The following GAB4 variants were observed in gnomAD, a reference collection of about 807,000 sequenced individuals.
GAB4 encodes the protein GRB2-associated-binding protein 4.
GAB4 carries 26 observed loss-of-function variants against 51.3 expected under a neutral mutation model. The observed-to-expected ratio is 0.51, with a 90% CI of 0.37 to 0.70. The LOEUF (loss-of-function observed/expected upper bound fraction) is 0.70. GAB4 is among the 30% of genes least tolerant of loss of function. The probability of loss-of-function intolerance (pLI) is 0.00; values close to 1 mark genes in which losing one functional copy is unlikely to be tolerated. For synonymous variants in GAB4, 329 were observed against 291.2 expected, an observed-to-expected ratio of 1.13 and a Z score of -1.32; for missense variants, 759 against 734.6, an observed-to-expected ratio of 1.03 and a Z score of -0.38.
Position 16,962,559 on chromosome 22 carries a change from G to T in GAB4, c.*174C>A. 2.1e-6 allele frequency: 1 copy of T among 484,956 alleles called. No individual in the cohort carries two copies. The highest frequency in any genetic ancestry group is 3.5e-6 in the Non-Finnish European group (1 of 286,536). The allele number at this position is 484,956 out of a possible 1,614,324, so 30.0% of individuals were successfully genotyped here. On this transcript the variant is annotated 3_prime_UTR_variant, in exon 10 of 10. Coordinates refer to ENST00000400588, the MANE Select transcript of GAB4 (RefSeq NM_001037814.1). The stretch of plus-strand genomic sequence containing the variant: ...TGCTCCTAGCAAGGGGGTGAAGGTG[G>T]GGACCATGGCCAGCCAAAGGCACAG...
intron 3 of GAB4, among the ~76,000 whole-genome samples, chr22:16,986,368 TG>T (rs1345713083): frequency 7.9e-5 from 12 of 152,306 alleles, no homozygotes; most frequent in African/African-American, 2.9e-4. Context: ...GAACAACGAC[TG>T]GAAGACCTCA....
At position 17,007,974 on chromosome 22, in the gene GAB4, C is replaced by A; in HGVS notation, c.141G>T (p.Arg47Ser). 1.2e-6 allele frequency: 2 copies of A among 1,600,962 alleles called. No individual in the cohort carries two copies. Among genetic ancestry groups the A allele is most frequent in the Non-Finnish European group, 8.5e-7 (1 of 1,172,078 alleles). ...SGHVLYSGWL[R>S]KSPPEKKLRL... ...TCAGCTTCTTCTCGGGGGGCGACTT[C>A]CTCAGCCAGCCGCTGTACAGCACGT... Residue 47 changes from arginine to serine, a missense_variant, in exon 1 of 10, where the codon AGG becomes AGT. Coordinates refer to ENST00000400588, the MANE Select transcript of GAB4 (RefSeq NM_001037814.1).
chr22:16,973,652 G>A (rs1248240339), intron 3 of GAB4, among the ~76,000 whole-genome samples: 1 of 152,154 alleles, frequency 6.6e-6, no homozygotes, highest in African/African-American at 2.4e-5. Context: ...AGAATTACTG[G>A]TCCCTAACTC....
Position 16,992,163 on chromosome 22 carries a change from C to A in GAB4, c.188G>T (p.Arg63Leu), listed in dbSNP as rs1038178360. ...KKLRLFAWRK[R>L]WFILRRGQTS... The stretch of plus-strand genomic sequence containing the variant: ...CTGGCCCCTCCGCAGGATAAACCAG[C>A]GTTTCCTCCAGGCCTAAGGAAGGAG... The change falls in exon 2 of 10, where the codon CGC becomes CTC. Residue 63 changes from arginine (R) to leucine (L), a missense_variant. By Grantham distance (102) the Arg-to-Leu change is moderately radical (BLOSUM62 -2). Transcript: ENST00000400588. 1 of 1,608,394 alleles carries A rather than the reference C, an allele frequency of 6.2e-7. No homozygotes were observed. The highest frequency in any genetic ancestry group is 1.3e-5 in the African/African-American group (1 of 74,760).
At position 16,970,315 on chromosome 22, in the gene GAB4, G is replaced by A; in HGVS notation, c.687-122C>T. The stretch of plus-strand genomic sequence containing the variant: ...TGATATGGAGAAAACACAGGAAGAG[G>A]AATTGGGCAGACCTGAGGTTTGTCT... On this transcript the variant is annotated intron_variant, in intron 3 of 9. Coordinates refer to ENST00000400588, the MANE Select transcript of GAB4 (RefSeq NM_001037814.1). The A allele has an allele frequency of 5.5e-6, 6 of 1,082,916 alleles. No homozygotes were observed. The South Asian group carries it at 7.6e-5, about 14-fold the overall frequency. 67.1% of individuals were successfully genotyped at this position (1,082,916 alleles called of 1,614,324 possible).
intron 3 of GAB4, among the ~76,000 whole-genome samples, chr22:16,978,580 C>G (rs2060800681): frequency 2.6e-5 from 4 of 152,186 alleles, no homozygotes. Context: ...CAGATGGATT[C>G]ACAGCCGAAT....
chr22:16,995,203 G>A (rs1235976090), intron 1 of GAB4, among the ~76,000 whole-genome samples: 1 of 152,090 alleles, frequency 6.6e-6, no homozygotes, highest in Non-Finnish European at 1.5e-5. Context: ...GTAGAGGAGA[G>A]GGAACAGTGA....
At chr22:16,983,223 G>C (rs1389989562) in intron 3 of GAB4, among the ~76,000 whole-genome samples, 5 of 152,026 alleles carry the variant, frequency 3.3e-5, no homozygotes, top group Non-Finnish European at 4.4e-5. Context: ...CCAATAAATA[G>C]CATGGGCTCC....
At chr22:16,986,219 G>C (rs2060866100) in intron 3 of GAB4, among the ~76,000 whole-genome samples, 1 of 152,216 alleles carries the variant, frequency 6.6e-6, no homozygotes, top group South Asian at 2.1e-4. Flanking sequence ...GGTATCCTCA[G>C]TCTGTGTCAG....
chr22:16,980,024 G>C (rs564886564), intron 3 of GAB4, among the ~76,000 whole-genome samples: 1 of 152,098 alleles, frequency 6.6e-6, no homozygotes, highest in African/African-American at 2.4e-5. Flanking sequence ...ATGGATTACA[G>C]ACTTAAACGT....
Position 16,992,106 on chromosome 22 carries a change from T to C in GAB4, c.245A>G (p.Tyr82Cys). ...GGGCTTCTTGGAGCCATCATTCTTG[T>C]AGTATTCCAGAACATCTGGGTCACT... ...TSSDPDVLEYYKNDGSKKPLR... is the reference protein window; with the variant it reads ...TSSDPDVLEYCKNDGSKKPLR... The change falls in exon 2 of 10, where the codon TAC becomes TGC. Residue 82 changes from tyrosine to cysteine, a missense_variant. Coordinates refer to ENST00000400588, the MANE Select transcript of GAB4 (RefSeq NM_001037814.1). 6.2e-7 allele frequency: 1 copy of C among 1,614,234 alleles called. No homozygotes were observed. Among genetic ancestry groups the C allele is most frequent in the Non-Finnish European group, 8.5e-7 (1 of 1,180,024 alleles).
chr22:16,984,628 G>C (rs888040625), intron 3 of GAB4, among the ~76,000 whole-genome samples: 29 of 152,106 alleles, frequency 1.9e-4, no homozygotes, highest in Admixed American at 4.6e-4. Context: ...TTGATGTTTT[G>C]GTTTCTGCAG....
rs1376122764 is a variant in GAB4 at position 16,962,792 on chromosome 22, T to A, written c.1666A>T (p.Met556Leu). The change falls in exon 10 of 10, where the codon ATG becomes TTG. Residue 556 changes from methionine (M) to leucine (L), a missense_variant. Transcript: ENST00000400588. ...LEKTQALQKT[M>L]HEQMCLRQSS... ...TGCCGCAGGCACATCTGTTCATGCA[T>A]GGTCTTCTGCAGGGCCTGGGTCTTC... 6.2e-7 allele frequency: 1 copy of A among 1,613,588 alleles called. No homozygotes were observed. Among genetic ancestry groups the A allele is most frequent in the Admixed American group, 1.7e-5 (1 of 60,004 alleles).
At chr22:17,006,235 G>A (rs1325678894) in intron 1 of GAB4, among the ~76,000 whole-genome samples, 4 of 152,188 alleles carry the variant, frequency 2.6e-5, no homozygotes, top group Admixed American at 6.5e-5. Context: ...CTTAACAGAA[G>A]AAGATATTTA....
At chr22:17,001,938 C>T (rs2061000831) in intron 1 of GAB4, among the ~76,000 whole-genome samples, 2 of 152,196 alleles carry the variant, frequency 1.3e-5, no homozygotes, top group Non-Finnish European at 2.9e-5. Flanking sequence ...GAGCGAGACT[C>T]CATGGGCATG....
In GAB4 at chr22:16,987,853, G is replaced by T. The variant is rs566628252; in HGVS notation, c.686+107C>A. On this transcript the variant is annotated intron_variant, in intron 3 of 9. Coordinates refer to ENST00000400588, the MANE Select transcript of GAB4 (RefSeq NM_001037814.1). ...TTATATATGTTTGCTTACCTGGAAA[G>T]ATATAATATTTTATGTCTTTCTCTT... The T allele has an allele frequency of 2.8e-5, 23 of 822,748 alleles. No homozygotes were observed. The African/African-American group carries it at 3.8e-4, about 14-fold the overall frequency. The allele number at this position is 822,748 out of a possible 1,614,324, so 51.0% of individuals were successfully genotyped here. A position where few individuals can be genotyped will look rare whatever the true frequency, so the allele number is the denominator to read the frequency against.
chr22:16,972,207 G>A (rs1039429646), intron 3 of GAB4, among the ~76,000 whole-genome samples: 1 of 152,220 alleles, frequency 6.6e-6, no homozygotes, highest in African/African-American at 2.4e-5. Context: ...AGCAGTGGAG[G>A]AGGTGTCACG....
chr22:16,983,685 G>A (rs1442496625), intron 3 of GAB4, among the ~76,000 whole-genome samples: 3 of 152,182 alleles, frequency 2.0e-5, no homozygotes, highest in Admixed American at 2.0e-4. Context: ...AAGATGCCAA[G>A]AGTATACACT....
rs1260229077 is a variant in GAB4 at position 16,962,595 on chromosome 22, A to G, written c.*138T>C. ...CAGCCAAAGGCACAGGTGGGCCCCA[A>G]GCAGGCAAAGGATGTATATTGATCA... On this transcript the variant is annotated 3_prime_UTR_variant, in exon 10 of 10. Coordinates refer to ENST00000400588, the MANE Select transcript of GAB4 (RefSeq NM_001037814.1). The G allele has an allele frequency of 4.2e-6, 3 of 706,982 alleles. No homozygotes were observed. Among genetic ancestry groups the G allele is most frequent in the Non-Finnish European group, 6.2e-6 (3 of 487,438 alleles). The allele number at this position is 706,982 out of a possible 1,614,324, so 43.8% of individuals were successfully genotyped here. A position where few individuals can be genotyped will look rare whatever the true frequency, so the allele number is the denominator to read the frequency against.
Sources: gnomAD v4.1 joint callset for allele counts (sites outside exome capture counted in the v4.1 genomes callset) on GRCh38, gnomAD v4.1.1 for gene constraint, MANE v1.5 for transcripts, NCBI Gene and HGNC (gene_info 2026-07-23, HGNC 2026-07-21) for gene names.